LBH: variants seen among roughly 807,000 people sequenced by gnomAD.
The protein encoded by LBH is LBH regulator of Wnt signaling pathway, also known as protein LBH.
A neutral mutation model predicts 12.5 loss-of-function variants in LBH; 7 were observed. The ratio of observed to expected loss-of-function variants is 0.56; its 90% confidence interval spans 0.32 to 1.05. The LOEUF (loss-of-function observed/expected upper bound fraction) is 1.05. Ranked by LOEUF, LBH falls within the 50% of genes least tolerant of loss-of-function variation. The probability of loss-of-function intolerance (pLI) is 0.04; values close to 1 mark genes in which losing one functional copy is unlikely to be tolerated. For missense variants in LBH, 119 were observed against 138.9 expected (o/e 0.86, Z 0.72); for synonymous variants, 51 against 50.1 (o/e 1.02, Z -0.08).
At chr2:30,247,247 G>A (rs62141152) in intron 2 of LBH, among the ~76,000 whole-genome samples, 1,723 of 150,178 alleles carry the variant, frequency 0.011, 30 homozygotes, top group Non-Finnish European at 0.018. Context: ...CATGCTTAGT[G>A]TAATGTTCTG....
rs1434836182 is a variant in LBH at position 30,231,574 on chromosome 2, G to T, written c.-165G>T. 1 of 654,342 alleles carries T rather than the reference G, an allele frequency of 1.5e-6. No individual in the cohort carries two copies. Among genetic ancestry groups the T allele is most frequent in the African/African-American group, 1.9e-5 (1 of 51,332 alleles). 40.5% of individuals were successfully genotyped at this position (654,342 alleles called of 1,614,324 possible). A position where few individuals can be genotyped will look rare whatever the true frequency, so the allele number is the denominator to read the frequency against. On this transcript the variant is annotated 5_prime_UTR_variant, in exon 1 of 3. Coordinates refer to ENST00000395323, the MANE Select transcript of LBH (RefSeq NM_030915.4). ...GAGAGCGGGGAGTTGTGTCCACCTT[G>T]CCGACGTCGCTAGCCGTGGGGCTGT...
At chr2:30,242,948 C>A (rs543484669) in intron 2 of LBH, among the ~76,000 whole-genome samples, 1 of 152,282 alleles carries the variant, frequency 6.6e-6, no homozygotes, top group South Asian at 2.1e-4. Flanking sequence ...CATCATTAAG[C>A]CTTCTGATTA....
At chr2:30,257,409 G>A (rs753705114) in intron 2 of LBH, 24 bp from the exon 3 acceptor site, 9 of 1,613,146 alleles carry the variant, frequency 5.6e-6, no homozygotes, top group South Asian at 5.5e-5. Context: ...ACGTGACCAG[G>A]CACCTGCTCT....
intron 2 of LBH, among the ~76,000 whole-genome samples, chr2:30,247,109 C>T (rs1484937950): frequency 2.6e-5 from 4 of 152,072 alleles, no homozygotes; most frequent in Non-Finnish European, 5.9e-5. Context: ...ACATGAAACA[C>T]TGTGCCCAGC....
Position 30,257,906 on chromosome 2 carries a change from T to C in LBH, c.*285T>C. ...TAGTGGGTGAGGGGAGCGAGTGCTG[T>C]TTTTGAGATCATTATCTGAACTCAG... On this transcript the variant is annotated 3_prime_UTR_variant, in exon 3 of 3. Transcript: ENST00000395323. The C allele has an allele frequency of 3.7e-6, 1 of 267,218 alleles. No homozygotes were observed. Among genetic ancestry groups the C allele is most frequent in the South Asian group, 6.3e-5 (1 of 15,756 alleles). The allele number at this position is 267,218 out of a possible 1,614,324, so 16.6% of individuals were successfully genotyped here.
intron 2 of LBH, among the ~76,000 whole-genome samples, chr2:30,252,032 A>T (rs986663764): frequency 6.6e-6 from 1 of 152,166 alleles, no homozygotes; most frequent in African/African-American, 2.4e-5. Context: ...TCAAGGCTTC[A>T]TTCCATTTGC....
chr2:30,240,793 C>G (rs999871262), intron 2 of LBH, among the ~76,000 whole-genome samples: 6 of 152,202 alleles, frequency 3.9e-5, no homozygotes, highest in Non-Finnish European at 7.3e-5. Context: ...CCGGCAGTAG[C>G]TTATTTTAGG....
chr2:30,233,078 T>A (rs2103554623), intron 1 of LBH: 1 of 152,356 alleles, frequency 6.6e-6, no homozygotes, highest in East Asian at 1.9e-4. Flanking sequence ...TTATTATAGG[T>A]GAAGCTTTGA....
intron 1 of LBH, chr2:30,232,118 G>A (rs370197759): frequency 6.5e-7 from 1 of 1,544,362 alleles, no homozygotes; most frequent in Non-Finnish European, 8.7e-7. Flanking sequence ...GGCGCAGGGG[G>A]GCTCCTGCTC....
Position 30,257,768 on chromosome 2 carries a change from T to C in LBH, c.*147T>C. ...GTTTTGCACCTGCAGATCACCGAGT[T>C]GGTTTTCTTTTCTTTTCTTGCCTTT... On this transcript the variant is annotated 3_prime_UTR_variant, in exon 3 of 3. Transcript: ENST00000395323. The C allele has an allele frequency of 1.7e-6, 1 of 573,076 alleles. No individual in the cohort carries two copies. The highest frequency in any genetic ancestry group is 2.9e-6 in the Non-Finnish European group (1 of 346,728). 35.5% of individuals were successfully genotyped at this position (573,076 alleles called of 1,614,324 possible).
intron 2 of LBH, among the ~76,000 whole-genome samples, chr2:30,251,946 T>C (rs972673544): frequency 3.9e-5 from 6 of 152,050 alleles, no homozygotes; most frequent in African/African-American, 1.4e-4. Flanking sequence ...GGTGAGCTTC[T>C]GAGATGAACA....
Position 30,257,498 on chromosome 2 carries a change from G to A in LBH, c.195G>A (p.Val65=). Reference sequence around the variant, plus strand: ...TGAAGGACCGTCTGCCCTCCATAGTGGTGGAACCCACAGAAGGGGAGGTGG... The same window carrying A: ...TGAAGGACCGTCTGCCCTCCATAGTAGTGGAACCCACAGAAGGGGAGGTGG... ...CKLKDRLPSI[V]VEPTEGEVES... is the part of the protein sequence containing the mutation. Residue 65 remains valine, a synonymous_variant, in exon 3 of 3, where the codon GTG becomes GTA. Coordinates refer to ENST00000395323, the MANE Select transcript of LBH (RefSeq NM_030915.4). 1 of 1,614,242 alleles carries A rather than the reference G, an allele frequency of 6.2e-7. No homozygotes were observed. Among genetic ancestry groups the A allele is most frequent in the South Asian group, 1.1e-5 (1 of 91,080 alleles).
intron 2 of LBH, among the ~76,000 whole-genome samples, chr2:30,240,624 T>A (rs1221596820): frequency 6.6e-6 from 1 of 152,216 alleles, no homozygotes; most frequent in Non-Finnish European, 1.5e-5. Context: ...GCTTCCTTCC[T>A]GGGCTGAGGG....
chr2:30,258,242 G>A lies in LBH; in HGVS notation c.*621G>A, dbSNP rs1265014226. The A allele has an allele frequency of 2.0e-5, 3 of 152,444 alleles. No homozygotes were observed. The highest frequency in any genetic ancestry group is 1.3e-4 in the Admixed American group (2 of 15,266). 9.4% of individuals were successfully genotyped at this position (152,444 alleles called of 1,614,324 possible). The stretch of plus-strand genomic sequence containing the variant: ...GGGAGGAGAGTAAAGGAGAGCAGGA[G>A]CAATTGGCTGCCTGCAAAGCCAGCT... On this transcript the variant is annotated 3_prime_UTR_variant, in exon 3 of 3. Coordinates refer to ENST00000395323, the MANE Select transcript of LBH (RefSeq NM_030915.4).
At chr2:30,251,050 ATT>A (rs372791263) in intron 2 of LBH, among the ~76,000 whole-genome samples, 110 of 122,498 alleles carry the variant, frequency 9.0e-4, no homozygotes, top group African/African-American at 2.6e-3. Context: ...TGTCAGTAGA[ATT>A]TTTTTTTTTT....
At chr2:30,239,990 C>G (rs185039525) in intron 2 of LBH, among the ~76,000 whole-genome samples, 1 of 152,288 alleles carries the variant, frequency 6.6e-6, no homozygotes, top group East Asian at 1.9e-4. Flanking sequence ...CTTTCCCAGC[C>G]AACACGTTGC....
intron 2 of LBH, among the ~76,000 whole-genome samples, chr2:30,256,295 C>G (rs1678084217): frequency 6.6e-6 from 1 of 152,118 alleles, no homozygotes; most frequent in Admixed American, 6.6e-5. Context: ...TGACGGGACT[C>G]TGGAAAAAGA....
intron 2 of LBH, among the ~76,000 whole-genome samples, chr2:30,241,277 TTAA>T (rs1677783740): frequency 6.6e-6 from 1 of 151,896 alleles, no homozygotes; most frequent in South Asian, 2.1e-4. Flanking sequence ...CAGATGGGGG[TTAA>T]TAAGTGGTTG....
chr2:30,248,500 C>T (rs960728220), intron 2 of LBH, among the ~76,000 whole-genome samples: 3 of 152,014 alleles, frequency 2.0e-5, no homozygotes, highest in Admixed American at 6.6e-5. Context: ...AAAAAGAATG[C>T]GGGGATAGTT....
Sources: allele counts gnomAD v4.1 joint callset (sites outside exome capture counted in the v4.1 genomes callset), GRCh38; gene constraint gnomAD v4.1.1; transcripts MANE v1.5; gene names NCBI Gene and HGNC (gene_info 2026-07-23, HGNC 2026-07-21).